MAD1L1: variants seen among roughly 807,000 people sequenced by gnomAD.
The protein encoded by MAD1L1 is mitotic spindle assembly checkpoint protein MAD1.
A neutral mutation model predicts 96.9 loss-of-function variants in MAD1L1; 95 were observed. The ratio of observed to expected loss-of-function variants is 0.98; its 90% CI spans 0.83 to 1.16. MAD1L1 has a LOEUF of 1.16. MAD1L1 is among the 50% of genes most tolerant of loss of function. The probability of loss-of-function intolerance (pLI) is 0.00; values close to 1 mark genes in which losing one functional copy is unlikely to be tolerated. For synonymous variants in MAD1L1, 473 were observed against 396.6 expected (o/e 1.19, Z -2.29); for missense variants, 1,007 against 954.4 (o/e 1.06, Z -0.73).
At chr7:2,095,439 A>C (rs1046508362) in intron 11 of MAD1L1, among the ~76,000 whole-genome samples, 1 of 152,242 alleles carries the variant, frequency 6.6e-6, no homozygotes. Flanking sequence ...ACACACCCTT[A>C]ACTTCAAATA....
chr7:1,885,992 C>T (rs566430518), intron 18 of MAD1L1, among the ~76,000 whole-genome samples: 1 of 152,394 alleles, frequency 6.6e-6, no homozygotes, highest in African/African-American at 2.4e-5. Flanking sequence ...CTCTCCTCCA[C>T]CAGGTCCTAC....
intron 12 of MAD1L1, among the ~76,000 whole-genome samples, chr7:2,038,312 A>G (rs1330645375): frequency 1.3e-5 from 2 of 152,148 alleles, no homozygotes; most frequent in Non-Finnish European, 2.9e-5. Context: ...CAAGTTCTCC[A>G]GAAGATCCAG....
At chr7:2,129,595 A>G (rs1372549575) in intron 11 of MAD1L1, among the ~76,000 whole-genome samples, 4 of 152,220 alleles carry the variant, frequency 2.6e-5, no homozygotes, top group Non-Finnish European at 4.4e-5. Flanking sequence ...GAGAGCACAC[A>G]CACGATCCCA....
chr7:1,826,759 T>G (rs28661143), intron 18 of MAD1L1, among the ~76,000 whole-genome samples: 1 of 151,984 alleles, frequency 6.6e-6, no homozygotes, highest in Non-Finnish European at 1.5e-5. Flanking sequence ...TGGCAAAAAG[T>G]GTGTCCGGCA....
chr7:1,820,345 G>A (rs560986384), intron 18 of MAD1L1, among the ~76,000 whole-genome samples: 13 of 152,274 alleles, frequency 8.5e-5, no homozygotes, highest in African/African-American at 2.9e-4. Flanking sequence ...ATCTCAAATC[G>A]CTTCTCTAAA....
intron 18 of MAD1L1, among the ~76,000 whole-genome samples, chr7:1,867,536 G>GCAC (rs1784835367): frequency 6.6e-6 from 1 of 152,264 alleles, no homozygotes; most frequent in Non-Finnish European, 1.5e-5. Flanking sequence ...CTGCAGGTGT[G>GCAC]CAGTGAGTAG....
At chr7:2,217,137 G>C (rs1793327371) in intron 7 of MAD1L1, among the ~76,000 whole-genome samples, 1 of 152,300 alleles carries the variant, frequency 6.6e-6, no homozygotes, top group Middle Eastern at 3.4e-3. Context: ...TGCCACTCTA[G>C]CAGCACGTGT....
chr7:2,111,788 TGCACACACAGCAAAC>T lies in MAD1L1; in HGVS notation c.1073+37349_1073+37363del, dbSNP rs530495084. ...GGAGCAGGCCTGTGCGGAGTGGACCTGCACACACAGCAAACGCACACACCGCGAACGCACACACCG... is the reference window on the plus strand; with the variant it reads ...GGAGCAGGCCTGTGCGGAGTGGACCTGCACACACCGCGAACGCACACACCG... On this transcript the variant is annotated intron_variant, in intron 11 of 18. Transcript: ENST00000265854. Among the ~76,000 whole-genome samples, 177 of 152,158 alleles carry T rather than the reference TGCACACACAGCAAAC, an allele frequency of 1.2e-3. 2 individuals are homozygous for T. Among genetic ancestry groups the T allele is most frequent in the African/African-American group, 3.7e-3 (153 of 41,528 alleles).
At chr7:1,944,723 C>G (rs1779151819) in intron 16 of MAD1L1, among the ~76,000 whole-genome samples, 3 of 152,220 alleles carry the variant, frequency 2.0e-5, no homozygotes, top group African/African-American at 7.2e-5. Flanking sequence ...TCACCCCCCA[C>G]CCCGTCGGCC....
rs184756651 is a variant in MAD1L1 at position 1,987,571 on chromosome 7, G to C, written c.1417-7030C>G. Reference sequence around the variant, plus strand: ...TTAAGGGAAGGAAAGCCATCGGGGAGGGGGGGAGAGGCAGGTGGGGGAAGA... The same window carrying C: ...TTAAGGGAAGGAAAGCCATCGGGGACGGGGGGAGAGGCAGGTGGGGGAAGA... On this transcript the variant is annotated intron_variant, in intron 14 of 18. Coordinates refer to ENST00000265854, the MANE Select transcript of MAD1L1 (RefSeq NM_001013836.2). 2.1e-3 allele frequency among the ~76,000 whole-genome samples: 326 copies of C among 152,252 alleles called. 1 individual carries two copies. The highest frequency in any genetic ancestry group is 6.9e-3 in the African/African-American group (288 of 41,552).
chr7:2,099,100 G>T (rs1786646262), intron 11 of MAD1L1, among the ~76,000 whole-genome samples: 1 of 152,198 alleles, frequency 6.6e-6, no homozygotes, highest in Admixed American at 6.5e-5. Context: ...GGCTGAAGAG[G>T]GTGAGCTTCA....
At chr7:2,229,835 G>T in intron 3 of MAD1L1, 149 bp downstream of exon 3, 1 of 832,912 alleles carries the variant, frequency 1.2e-6, no homozygotes, top group Non-Finnish European at 1.8e-6. Context: ...CCCAAAATGA[G>T]GAGTGCCCAT....
chr7:2,231,982 G>A (rs533917534), intron 1 of MAD1L1, among the ~76,000 whole-genome samples: 1 of 152,278 alleles, frequency 6.6e-6, no homozygotes, highest in East Asian at 1.9e-4. Flanking sequence ...GGTGAATTAG[G>A]TCTTTTTACA....
intron 18 of MAD1L1, among the ~76,000 whole-genome samples, chr7:1,858,570 C>T (rs1428812535): frequency 6.6e-6 from 1 of 152,312 alleles, no homozygotes; most frequent in East Asian, 1.9e-4. Context: ...GTCTTGCTGA[C>T]CCTGTCCCGG....
chr7:2,155,284 C>T (rs1314664422), intron 10 of MAD1L1, among the ~76,000 whole-genome samples: 1 of 152,142 alleles, frequency 6.6e-6, no homozygotes, highest in Non-Finnish European at 1.5e-5. Context: ...ATCCTGCCAC[C>T]GTGTTGGGAT....
chr7:1,908,494 A>G (rs1432785617), intron 17 of MAD1L1, among the ~76,000 whole-genome samples: 1 of 151,986 alleles, frequency 6.6e-6, no homozygotes, highest in Non-Finnish European at 1.5e-5. Context: ...CAATCCTCCC[A>G]CCTCAGCTTC....
intron 12 of MAD1L1, among the ~76,000 whole-genome samples, chr7:2,047,101 T>G (rs2128514874): frequency 6.6e-6 from 1 of 152,332 alleles, no homozygotes; most frequent in South Asian, 2.1e-4. Context: ...AGTCTTCGGC[T>G]AAGGCCCTCC....
intron 10 of MAD1L1, among the ~76,000 whole-genome samples, chr7:2,183,548 T>C (rs893025701): frequency 2.0e-5 from 3 of 152,134 alleles, no homozygotes; most frequent in African/African-American, 7.2e-5. Flanking sequence ...GTGGCACATA[T>C]ACACCATGGA....
chr7:2,053,012 G>A (rs887674422), intron 12 of MAD1L1, among the ~76,000 whole-genome samples: 5 of 152,164 alleles, frequency 3.3e-5, no homozygotes, highest in African/African-American at 4.8e-5. Context: ...GGTGGGTGCC[G>A]CCTCCAGTGC....
Sources: gnomAD v4.1 joint callset for allele counts (sites outside exome capture counted in the v4.1 genomes callset) on GRCh38, gnomAD v4.1.1 for gene constraint, MANE v1.5 for transcripts, NCBI Gene and HGNC (gene_info 2026-07-23, HGNC 2026-07-21) for gene names.